The following PAK4 variants were observed in gnomAD, a reference collection of about 807,000 sequenced individuals.
PAK4 encodes the protein p21 (RAC1) activated kinase 4.
A neutral mutation model predicts 53.5 loss-of-function variants in PAK4; 49 were observed. The observed-to-expected ratio is 0.92, with a 90% confidence interval of 0.73 to 1.16. PAK4 has a LOEUF of 1.16. Among genes scored for constraint, PAK4 ranks in the 50% most tolerant of loss-of-function variants. The pLI is 0.00. For synonymous variants in PAK4, 376 were observed against 375.6 expected, an observed-to-expected ratio of 1.00 and a Z score of -0.01; for missense variants, 824 against 850.7, an observed-to-expected ratio of 0.97 and a Z score of 0.39.
At position 39,178,591 on chromosome 19, in the gene PAK4, C is replaced by T. The variant is rs774636800; in HGVS notation, c.*12C>T. 4.2e-5 allele frequency: 66 copies of T among 1,563,480 alleles called. No individual in the cohort carries two copies. The African/African-American group carries it at 7.1e-4, about 17-fold the overall frequency. On this transcript the variant is annotated 3_prime_UTR_variant, in exon 9 of 9. Coordinates refer to ENST00000358301, the Ensembl canonical transcript of PAK4. The surrounding 1 kb of genome is among the most constrained non-coding windows in gnomAD (Gnocchi z 4.4). ...ACCGCACCAGATGAGGCCCAGCGCC[C>T]TTCCCCTCAACCAAAGAGCCCCCCG...
chr19:39,178,235 CGCCATCACAGGT>C lies in PAK4; in HGVS notation c.1621-180_1621-169del, dbSNP rs2074648706. 1.3e-5 allele frequency among the ~76,000 whole-genome samples: 2 copies of C among 152,080 alleles called. No individual in the cohort carries two copies. Among genetic ancestry groups the C allele is most frequent in the Admixed American group, 1.3e-4 (2 of 15,282 alleles). On this transcript the variant is annotated intron_variant, in intron 8 of 8. Coordinates refer to ENST00000358301, the Ensembl canonical transcript of PAK4. The surrounding 1 kb of genome is among the most constrained non-coding windows in gnomAD (Gnocchi z 4.4). The stretch of plus-strand genomic sequence containing the variant: ...ACTTCCTCTGGGGCCACATAGTAAG[CGCCATCACAGGT>C]GCCATCACTGTCCCTGTCCCGTCTA...
chr19:39,180,008 G>T (rs1029327856), downstream of PAK4: 2 of 152,342 alleles, frequency 1.3e-5, no homozygotes, highest in African/African-American at 4.8e-5. Context: ...AGCCCCCAGG[G>T]AGGCAGTGGA....
chr19:39,157,295 G>A lies in PAK4; in HGVS notation c.-22-12237G>A, dbSNP rs564987619. Among the ~76,000 whole-genome samples the A allele has an allele frequency of 1.4e-4, 21 of 152,194 alleles. No homozygotes were observed. In the East Asian group the frequency reaches 2.9e-3, roughly 21 times the overall value. On this transcript the variant is annotated intron_variant, in intron 1 of 8. Coordinates refer to ENST00000358301, the Ensembl canonical transcript of PAK4. ...GCGTGTGTGTCCTGGGGTGCAGTGC[G>A]GCTTTCCCTCGAAGTCATGGAGTGT...
intron 1 of PAK4, among the ~76,000 whole-genome samples, chr19:39,154,252 A>G (rs1195974206): frequency 6.6e-6 from 1 of 152,070 alleles, no homozygotes; most frequent in Non-Finnish European, 1.5e-5. Context: ...GTGTGTCCCC[A>G]CTTCCACTCG....
At chr19:39,166,489 T>A (rs1015248745) in intron 1 of PAK4, among the ~76,000 whole-genome samples, 1 of 152,166 alleles carries the variant, frequency 6.6e-6, no homozygotes, top group African/African-American at 2.4e-5. Context: ...ATTATCGCCG[T>A]CTTTGAACAG....
chr19:39,179,243 T>A (rs981436655), exon 9 of PAK4: 1 of 152,598 alleles, frequency 6.6e-6, no homozygotes, highest in Non-Finnish European at 1.5e-5. Context: ...TTTATAACAC[T>A]CTAGCCCCTG....
At chr19:39,126,503 C>T (rs1395802349) in intron 1 of PAK4, among the ~76,000 whole-genome samples, 2 of 151,534 alleles carry the variant, frequency 1.3e-5, no homozygotes, top group African/African-American at 4.9e-5. Context: ...AAGGGGGAAC[C>T]CTCCCACAAA....
At chr19:39,155,683 ACAT>A (rs1487502707) in intron 1 of PAK4, among the ~76,000 whole-genome samples, 4 of 152,124 alleles carry the variant, frequency 2.6e-5, no homozygotes, top group African/African-American at 9.7e-5. Flanking sequence ...GGTTCTGATC[ACAT>A]CAGCCTCATG....
chr19:39,137,817 C>T (rs1402963415), intron 1 of PAK4, among the ~76,000 whole-genome samples: 1 of 152,002 alleles, frequency 6.6e-6, no homozygotes, highest in African/African-American at 2.4e-5. Flanking sequence ...CAGTCGTGCG[C>T]CACCATGCCT....
chr19:39,150,204 C>G (rs1219553313), intron 1 of PAK4, among the ~76,000 whole-genome samples: 1 of 152,004 alleles, frequency 6.6e-6, no homozygotes, highest in African/African-American at 2.4e-5. Context: ...CTGTCCCACC[C>G]CATCTGGGTT....
chr19:39,133,429 G>T (rs1196776108), intron 1 of PAK4, among the ~76,000 whole-genome samples: 2 of 152,148 alleles, frequency 1.3e-5, no homozygotes, highest in Admixed American at 1.3e-4. Context: ...CAAGACACAC[G>T]TGTTCTTAGG....
intron 1 of PAK4, among the ~76,000 whole-genome samples, chr19:39,158,075 CAT>C (rs978662408): frequency 5.9e-5 from 8 of 135,700 alleles, no homozygotes; most frequent in East Asian, 4.6e-4. Context: ...TGTGAGCATG[CAT>C]GTGTGTGTGT....
chr19:39,165,550 A>G (rs1360570445), intron 1 of PAK4, among the ~76,000 whole-genome samples: 7 of 135,392 alleles, frequency 5.2e-5, no homozygotes, highest in Non-Finnish European at 1.2e-4. Context: ...AAATAAATAA[A>G]TAAAATAATA....
Position 39,178,594 on chromosome 19 carries a change from C to T in PAK4, c.*15C>T, listed in dbSNP as rs761914143. On this transcript the variant is annotated 3_prime_UTR_variant, in exon 9 of 9. Transcript: ENST00000358301. This position sits in a 1 kb window ranked among gnomAD's most constrained non-coding sequence, Gnocchi z 4.4. Reference sequence around the variant, plus strand: ...GCACCAGATGAGGCCCAGCGCCCTTCCCCTCAACCAAAGAGCCCCCCGGGT... The same window carrying T: ...GCACCAGATGAGGCCCAGCGCCCTTTCCCTCAACCAAAGAGCCCCCCGGGT... 5.8e-6 allele frequency: 9 copies of T among 1,558,654 alleles called. No homozygotes were observed. The highest frequency in any genetic ancestry group is 1.4e-5 in the African/African-American group (1 of 73,408).
chr19:39,128,107 A>AC (rs2073624641), intron 1 of PAK4, among the ~76,000 whole-genome samples: 1 of 151,964 alleles, frequency 6.6e-6, no homozygotes, highest in Admixed American at 6.6e-5. Context: ...CCTGGTACAC[A>AC]CCCCTCTCCA....
At chr19:39,137,680 T>C (rs2073840325) in intron 1 of PAK4, among the ~76,000 whole-genome samples, 1 of 151,914 alleles carries the variant, frequency 6.6e-6, no homozygotes, top group Non-Finnish European at 1.5e-5. Flanking sequence ...TTTTTTTTTT[T>C]TTTTGAGACA....
chr19:39,171,224 T>C (rs1411960917), intron 2 of PAK4, among the ~76,000 whole-genome samples: 1 of 151,680 alleles, frequency 6.6e-6, no homozygotes, highest in South Asian at 2.1e-4. Context: ...TTTTTTTTTT[T>C]TTTGAGAGAC....
intron 1 of PAK4, 25 bp downstream of exon 1, chr19:39,125,944 G>C (rs2073566588): frequency 6.5e-6 from 1 of 153,032 alleles, no homozygotes; most frequent in Non-Finnish European, 1.5e-5. Context: ...CCGGCCAGGG[G>C]CTTGCGGTGG....
chr19:39,158,129 G>A lies in PAK4; in HGVS notation c.-22-11403G>A, dbSNP rs531069554. Among the ~76,000 whole-genome samples the A allele has an allele frequency of 1.1e-4, 17 of 151,616 alleles. No individual in the cohort carries two copies. In the East Asian group the frequency reaches 1.9e-3, roughly 17 times the overall value. On this transcript the variant is annotated intron_variant, in intron 1 of 8. Transcript: ENST00000358301. ...ATGTGAGCATTGTGTGAGTGCGTGCGTGCATGTGTGAGCGTGCGTGTGTGC... is the reference window on the plus strand; with the variant it reads ...ATGTGAGCATTGTGTGAGTGCGTGCATGCATGTGTGAGCGTGCGTGTGTGC...
Sources: allele counts gnomAD v4.1 joint callset (sites outside exome capture counted in the v4.1 genomes callset), GRCh38; gene constraint gnomAD v4.1.1; non-coding constraint Gnocchi (gnomAD v3.1); transcripts MANE v1.5; gene names NCBI Gene and HGNC (gene_info 2026-07-23, HGNC 2026-07-21).